CCBE1: variants seen among roughly 807,000 people sequenced by gnomAD.
CCBE1 encodes the protein collagen and calcium binding EGF domains 1, also known as collagen and calcium-binding EGF domain-containing protein 1.
In CCBE1, 37 loss-of-function variants were observed where a neutral mutation model predicts 50.0. The ratio of observed to expected loss-of-function variants is 0.74; its 90% CI spans 0.57 to 0.97. CCBE1 has a LOEUF of 0.97. Among genes scored for constraint, CCBE1 ranks in the 50% least tolerant of loss-of-function variants. The probability of loss-of-function intolerance (pLI) is 0.00; values close to 1 mark genes in which losing one functional copy is unlikely to be tolerated. For synonymous variants in CCBE1, 234 were observed against 203.7 expected, an observed-to-expected ratio of 1.15 and a Z score of -1.27; for missense variants, 538 against 523.8, an observed-to-expected ratio of 1.03 and a Z score of -0.26.
intron 7 of CCBE1, among the ~76,000 whole-genome samples, chr18:59,441,570 T>C (rs1910427471): frequency 6.6e-6 from 1 of 151,630 alleles, no homozygotes; most frequent in Admixed American, 6.6e-5. Context: ...GACCCAGATG[T>C]TGGAATAATG....
intron 2 of CCBE1, among the ~76,000 whole-genome samples, chr18:59,583,680 T>TGTGC (rs1229840840): frequency 1.7e-3 from 100 of 59,398 alleles, no homozygotes; most frequent in Non-Finnish European, 3.2e-3. Flanking sequence ...TGTGTGTGTG[T>TGTGC]GCGCGCGCGC....
Position 59,584,243 on chromosome 18 carries a change from C to A in CCBE1, c.213-104005G>T, listed in dbSNP as rs541139584. On this transcript the variant is annotated intron_variant, in intron 2 of 10. Transcript: ENST00000439986. ...GAAACCATCATTCTCAGTAAACTAT[C>A]GCAAGGACAAAAAACCAAACACCAC... Among the ~76,000 whole-genome samples the A allele has an allele frequency of 2.6e-5, 4 of 151,144 alleles. No homozygotes were observed. The East Asian group carries it at 7.8e-4, about 29-fold the overall frequency.
At chr18:59,551,005 A>G (rs1485002265) in intron 2 of CCBE1, among the ~76,000 whole-genome samples, 14 of 23,600 alleles carry the variant, frequency 5.9e-4, no homozygotes, top group African/African-American at 1.8e-3. Flanking sequence ...ACTCAAAAAA[A>G]AAAAAAAAAA....
At chr18:59,464,090 TC>T (rs1410655794) in intron 5 of CCBE1, 2 of 152,130 alleles carry the variant, frequency 1.3e-5, no homozygotes, top group South Asian at 4.1e-4. Context: ...TGCCTGCCCC[TC>T]CCCCACTGTC....
At chr18:59,673,386 G>A (rs936884888) in intron 2 of CCBE1, among the ~76,000 whole-genome samples, 1 of 152,206 alleles carries the variant, frequency 6.6e-6, no homozygotes, top group African/African-American at 2.4e-5. Context: ...AGGATGTGGA[G>A]GTTGTAGTGA....
At chr18:59,506,612 T>C (rs4940465) in intron 2 of CCBE1, among the ~76,000 whole-genome samples, 40,067 of 152,102 alleles carry the variant, frequency 0.26, 5,504 homozygotes, top group Middle Eastern at 0.34. Flanking sequence ...TATACCTGTG[T>C]CCCAACCTCA....
intron 2 of CCBE1, among the ~76,000 whole-genome samples, chr18:59,595,060 G>A (rs1022059862): frequency 8.7e-5 from 13 of 149,074 alleles, no homozygotes; most frequent in South Asian, 2.1e-4. Context: ...TGCAGTGAGC[G>A]GAGAATTTGC....
intron 2 of CCBE1, among the ~76,000 whole-genome samples, chr18:59,632,453 T>C (rs1004476472): frequency 1.3e-5 from 2 of 152,278 alleles, no homozygotes; most frequent in Admixed American, 1.3e-4. Context: ...TTTGTATTTT[T>C]AGTACAGATG....
At chr18:59,489,457 A>G (rs1236020476) in intron 2 of CCBE1, among the ~76,000 whole-genome samples, 1 of 152,040 alleles carries the variant, frequency 6.6e-6, no homozygotes, top group Non-Finnish European at 1.5e-5. Context: ...TCTGTTACCC[A>G]TGCTGGAGTG....
intron 2 of CCBE1, among the ~76,000 whole-genome samples, chr18:59,686,371 T>C (rs2054653194): frequency 6.6e-6 from 1 of 152,232 alleles, no homozygotes; most frequent in South Asian, 2.1e-4. Context: ...ACCACAATTG[T>C]CAGGCCATCA....
chr18:59,443,786 T>A (rs1910550229), intron 7 of CCBE1, among the ~76,000 whole-genome samples: 1 of 152,144 alleles, frequency 6.6e-6, no homozygotes, highest in African/African-American at 2.4e-5. Flanking sequence ...AACTATTTTT[T>A]AAATGTAGTG....
At chr18:59,616,547 A>G (rs1599066987) in intron 2 of CCBE1, among the ~76,000 whole-genome samples, 1 of 152,204 alleles carries the variant, frequency 6.6e-6, no homozygotes, top group Non-Finnish European at 1.5e-5. Flanking sequence ...AGGCAGTGCC[A>G]TCTTGGCTGG....
At chr18:59,682,065 A>G (rs929560184) in intron 2 of CCBE1, among the ~76,000 whole-genome samples, 2 of 152,178 alleles carry the variant, frequency 1.3e-5, no homozygotes, top group African/African-American at 2.4e-5. Flanking sequence ...GTAGGTCATT[A>G]AAAACCATGT....
chr18:59,662,871 G>A (rs973293092), intron 2 of CCBE1, among the ~76,000 whole-genome samples: 2 of 152,206 alleles, frequency 1.3e-5, no homozygotes, highest in Non-Finnish European at 2.9e-5. Context: ...CCAGCTACTT[G>A]AGAGGCAGGA....
chr18:59,673,300 A>C (rs2054458870), intron 2 of CCBE1, among the ~76,000 whole-genome samples: 1 of 152,110 alleles, frequency 6.6e-6, no homozygotes, highest in African/African-American at 2.4e-5. Flanking sequence ...AAAATACAAA[A>C]ATTAGCTGGG....
At chr18:59,456,187 G>C (rs1332390618) in intron 5 of CCBE1, among the ~76,000 whole-genome samples, 1 of 152,192 alleles carries the variant, frequency 6.6e-6, no homozygotes, top group Non-Finnish European at 1.5e-5. Flanking sequence ...GCATCTCTTA[G>C]GGCGCATGCC....
chr18:59,583,719 G>A lies in CCBE1; in HGVS notation c.213-103481C>T, dbSNP rs536830663. On this transcript the variant is annotated intron_variant, in intron 2 of 10. Transcript: ENST00000439986. ...CGCGCGCGTGTGTGTGTATGTCTGC[G>A]ACTACTGAGTTGAAGAAGAGATCTT... Among the ~76,000 whole-genome samples, 24 of 151,724 alleles carry A rather than the reference G, an allele frequency of 1.6e-4. No individual in the cohort carries two copies. In the South Asian group the frequency reaches 2.3e-3, roughly 15 times the overall value.
In CCBE1 at chr18:59,554,983, GT is replaced by G. The variant is rs769249606; in HGVS notation, c.213-74746del. On this transcript the variant is annotated intron_variant, in intron 2 of 10. Coordinates refer to ENST00000439986, the MANE Select transcript of CCBE1 (RefSeq NM_133459.4). ...CAGACCTGAAGTAAGCCAAGAACTG[GT>G]TTTGCCACTTAGTTGTCAGGGGACA... 2.2e-4 allele frequency among the ~76,000 whole-genome samples: 34 copies of G among 152,294 alleles called. 1 individual carries two copies. The highest frequency in any genetic ancestry group is 4.1e-4 in the South Asian group (2 of 4,828).
At chr18:59,545,191 C>T (rs1248182329) in intron 2 of CCBE1, among the ~76,000 whole-genome samples, 1 of 152,140 alleles carries the variant, frequency 6.6e-6, no homozygotes. Context: ...TACGGTATCT[C>T]GCTGTAAATA....
Sources: allele counts gnomAD v4.1 joint callset (sites outside exome capture counted in the v4.1 genomes callset), GRCh38; gene constraint gnomAD v4.1.1; transcripts MANE v1.5; gene names NCBI Gene and HGNC (gene_info 2026-07-23, HGNC 2026-07-21).